Variants in UBE2U observed in about 807,000 individuals in gnomAD.
UBE2U encodes ubiquitin conjugating enzyme E2 U, also known as ubiquitin-conjugating enzyme E2 U.
A neutral mutation model predicts 41.2 loss-of-function variants in UBE2U; 39 were observed. The ratio of observed to expected loss-of-function variants is 0.95; its 90% CI spans 0.73 to 1.24. The LOEUF (loss-of-function observed/expected upper bound fraction) is 1.24, where lower values mean the gene tolerates loss of function less well. Ranked by LOEUF, UBE2U falls within the 50% of genes most tolerant of loss-of-function variation. The probability of loss-of-function intolerance (pLI) is 0.00; values close to 1 mark genes in which losing one functional copy is unlikely to be tolerated. For missense variants in UBE2U, 336 were observed against 363.1 expected (o/e 0.93, Z 0.61); for synonymous variants, 107 against 117.8 (o/e 0.91, Z 0.60).
chr1:64,238,289 C>T (rs983756939), intron 7 of UBE2U, among the ~76,000 whole-genome samples: 13 of 151,806 alleles, frequency 8.6e-5, no homozygotes, highest in Admixed American at 6.6e-4. Flanking sequence ...CCTATAATTC[C>T]AGCTGCTCAC....
chr1:64,258,664 T>G lies in UBE2U; in HGVS notation c.678-1939T>G, dbSNP rs560656353. Among the ~76,000 whole-genome samples, 5 of 152,346 alleles carry G rather than the reference T, an allele frequency of 3.3e-5. No homozygotes were observed. In the South Asian group the frequency reaches 1.0e-3, roughly 32 times the overall value. Reference sequence around the variant, plus strand: ...AAGGACATGAACTCATCCTTTTTTATGGTTGCATAGTATTCCATGGTATAT... The same window carrying G: ...AAGGACATGAACTCATCCTTTTTTAGGGTTGCATAGTATTCCATGGTATAT... On this transcript the variant is annotated intron_variant, in intron 8 of 9. Transcript: ENST00000371077.
At chr1:64,239,112 A>G (rs1255958502) in intron 7 of UBE2U, among the ~76,000 whole-genome samples, 21 of 12,806 alleles carry the variant, frequency 1.6e-3, no homozygotes, top group African/African-American at 0.012. Context: ...GAAGAAGAAG[A>G]AGAAGAAGAA....
intron 8 of UBE2U, among the ~76,000 whole-genome samples, chr1:64,242,459 T>C (rs1644852121): frequency 6.6e-6 from 1 of 152,200 alleles, no homozygotes; most frequent in African/African-American, 2.4e-5. Flanking sequence ...TTTTTGTGTT[T>C]ATCTCATTTA....
Position 64,267,178 on chromosome 1 carries a change from T to A in UBE2U, c.924T>A (p.Asn308Lys). 1 of 1,534,840 alleles carries A rather than the reference T, an allele frequency of 6.5e-7. No homozygotes were observed. The highest frequency in any genetic ancestry group is 8.7e-7 in the Non-Finnish European group (1 of 1,142,970). The change falls in exon 10 of 10, where the codon AAT becomes AAA. Residue 308 changes from asparagine to lysine, a missense_variant. Physicochemically the swap from Asn to Lys is moderately conservative, Grantham distance 94. Coordinates refer to ENST00000371077, the MANE Select transcript of UBE2U (RefSeq NM_001366232.2). The stretch of plus-strand genomic sequence containing the variant: ...TGGAAGATCTGATCTCCTGGACCAA[T>A]ACTCTCAATACAAATACTTCAGAAG... Reference protein sequence around the residue: ...EEVEDLISWTNTLNTNTSED With the variant: ...EEVEDLISWTKTLNTNTSED
intron 5 of UBE2U, among the ~76,000 whole-genome samples, chr1:64,220,049 CAAA>C (rs1213017336): frequency 6.6e-6 from 1 of 152,104 alleles, no homozygotes; most frequent in Non-Finnish European, 1.5e-5. Context: ...TGACCTTGCT[CAAA>C]TGTCTAGTGA....
At chr1:64,266,189 T>C (rs1645252066) in intron 9 of UBE2U, among the ~76,000 whole-genome samples, 1 of 152,212 alleles carries the variant, frequency 6.6e-6, no homozygotes. Context: ...ATAGACATTA[T>C]ATCTATATTC....
At chr1:64,216,930 G>A (rs1002526735) in intron 5 of UBE2U, among the ~76,000 whole-genome samples, 1 of 152,096 alleles carries the variant, frequency 6.6e-6, no homozygotes, top group Non-Finnish European at 1.5e-5. Context: ...GACTGCCTGG[G>A]AAAGTCCTGG....
intron 3 of UBE2U, among the ~76,000 whole-genome samples, chr1:64,208,294 A>G (rs1363840342): frequency 6.6e-6 from 1 of 152,158 alleles, no homozygotes; most frequent in Non-Finnish European, 1.5e-5. Flanking sequence ...CAAGTGTGCA[A>G]GAGTGTGTTA....
chr1:64,230,595 A>AT (rs968829822), intron 6 of UBE2U, among the ~76,000 whole-genome samples: 26 of 146,062 alleles, frequency 1.8e-4, no homozygotes, highest in East Asian at 4.0e-4. Context: ...GTGCCCCCTT[A>AT]TTTTTTTTTT....
chr1:64,205,713 T>G lies in UBE2U; in HGVS notation c.141T>G (p.Val47=). The change falls in exon 2 of 10, where the codon GTT becomes GTG. Residue 47 remains valine, a synonymous_variant. Transcript: ENST00000371077. ...AAATTGAAGGTCTACAGAATTCAGT[T>G]TGGCAGGGTTTGTATTTTCAAAACC... ...EVEIEGLQNS[V]WQGLVFQLTI... The G allele has an allele frequency of 6.2e-7, 1 of 1,612,404 alleles. No individual in the cohort carries two copies. Among genetic ancestry groups the G allele is most frequent in the South Asian group, 1.1e-5 (1 of 90,780 alleles).
chr1:64,223,857 G>T (rs1035488232), intron 6 of UBE2U, among the ~76,000 whole-genome samples: 1 of 152,164 alleles, frequency 6.6e-6, no homozygotes, highest in South Asian at 2.1e-4. Flanking sequence ...AGAGGGAACA[G>T]CACATTCAAC....
intron 8 of UBE2U, among the ~76,000 whole-genome samples, chr1:64,255,017 C>T (rs1268228002): frequency 6.6e-6 from 1 of 151,436 alleles, no homozygotes; most frequent in African/African-American, 2.4e-5. Context: ...TAAAATAGAC[C>T]ACTAGCTAGA....
intron 4 of UBE2U, among the ~76,000 whole-genome samples, chr1:64,212,946 A>C (rs553488459): frequency 2.2e-4 from 34 of 152,318 alleles, no homozygotes; most frequent in Non-Finnish European, 2.9e-4. Context: ...ATTTTTCGAA[A>C]ACATTAATAA....
At chr1:64,206,897 C>G in intron 3 of UBE2U, 41 bp downstream of exon 3, 1 of 1,120,934 alleles carries the variant, frequency 8.9e-7, no homozygotes, top group Non-Finnish European at 1.3e-6. Flanking sequence ...AGGCTTTGTC[C>G]CTATTATCCT....
At chr1:64,210,311 C>G (rs1167326305) in intron 3 of UBE2U, among the ~76,000 whole-genome samples, 1 of 152,178 alleles carries the variant, frequency 6.6e-6, no homozygotes, top group Non-Finnish European at 1.5e-5. Context: ...CATAACAGGA[C>G]AACGCTGGAG....
chr1:64,212,754 G>A (rs961260934), intron 4 of UBE2U, among the ~76,000 whole-genome samples: 1 of 152,020 alleles, frequency 6.6e-6, no homozygotes, highest in Non-Finnish European at 1.5e-5. Flanking sequence ...ACATCATGTC[G>A]GTCCTCAAAA....
intron 6 of UBE2U, among the ~76,000 whole-genome samples, chr1:64,228,424 A>G (rs1653027822): frequency 6.6e-6 from 1 of 152,176 alleles, no homozygotes; most frequent in Non-Finnish European, 1.5e-5. Context: ...TTTGATGAGT[A>G]AGAGTTTGAC....
At chr1:64,250,986 C>T (rs553469772) in intron 8 of UBE2U, among the ~76,000 whole-genome samples, 1 of 151,768 alleles carries the variant, frequency 6.6e-6, no homozygotes. Flanking sequence ...ATGGGTGCAG[C>T]ACACCAACAT....
At chr1:64,216,954 A>C (rs1652065186) in intron 5 of UBE2U, among the ~76,000 whole-genome samples, 1 of 152,164 alleles carries the variant, frequency 6.6e-6, no homozygotes, top group African/African-American at 2.4e-5. Flanking sequence ...AATTATTCCC[A>C]GTACCTCCTT....
Sources: gnomAD v4.1 joint callset for allele counts (sites outside exome capture counted in the v4.1 genomes callset) on GRCh38, gnomAD v4.1.1 for gene constraint, MANE v1.5 for transcripts, NCBI Gene and HGNC (gene_info 2026-07-23, HGNC 2026-07-21) for gene names.